The following HDAC8 variants were observed in gnomAD, a reference collection of about 807,000 sequenced individuals.
HDAC8 encodes the protein histone deacetylase-like 1.
In HDAC8, 1 loss-of-function variant was observed where a neutral mutation model predicts 32.2. That is an observed-to-expected ratio of 0.03 (90% CI 0.01 to 0.15). The LOEUF is 0.15. Among genes scored for constraint, HDAC8 ranks in the 10% least tolerant of loss-of-function variants. The pLI is 1.00. For missense variants in HDAC8, 117 were observed against 300.0 expected (o/e 0.39, Z 4.51); for synonymous variants, 108 against 113.9 (o/e 0.95, Z 0.33).
intron 9 of HDAC8, among the ~76,000 whole-genome samples, chrX:72,436,793 T>G (rs1422856163): frequency 9.0e-6 from 1 of 110,965 alleles, no homozygotes; most frequent in Non-Finnish European, 1.9e-5. Flanking sequence ...ACATTTAAGA[T>G]GTACTATAAA....
intron 7 of HDAC8, among the ~76,000 whole-genome samples, chrX:72,469,682 CTTCAA>C (rs782739870): frequency 3.6e-5 from 4 of 111,863 alleles, no homozygotes; most frequent in Non-Finnish European, 7.5e-5. Context: ...ATGCTTATAA[CTTCAA>C]TTCAACAAAT....
chrX:72,517,266 ATTAGG>A (rs1411587936), intron 4 of HDAC8, among the ~76,000 whole-genome samples: 1 of 111,462 alleles, frequency 9.0e-6, no homozygotes. Context: ...CTATATTTGA[ATTAGG>A]TTATTTGTCT....
At chrX:72,463,997 T>C (rs2047938525) in intron 8 of HDAC8, among the ~76,000 whole-genome samples, 1 of 111,906 alleles carries the variant, frequency 8.9e-6, no homozygotes, top group African/African-American at 3.2e-5. Flanking sequence ...GGCTTTCTTT[T>C]GGCTAAGTAA....
At chrX:72,560,933 T>G (rs1382781369) in intron 4 of HDAC8, among the ~76,000 whole-genome samples, 2 of 110,650 alleles carry the variant, frequency 1.8e-5, no homozygotes, top group Non-Finnish European at 3.8e-5. Flanking sequence ...AAAATATGAT[T>G]AAAATATGAT....
At chrX:72,480,355 T>C in intron 7 of HDAC8, 1 of 329,101 alleles carries the variant, frequency 3.0e-6, no homozygotes, top group Non-Finnish European at 5.9e-6. Flanking sequence ...TAGATTGTAA[T>C]GAAATGGGGA....
intron 9 of HDAC8, among the ~76,000 whole-genome samples, chrX:72,397,581 A>G (rs2045797066): frequency 9.0e-6 from 1 of 111,677 alleles, no homozygotes; most frequent in South Asian, 3.7e-4. Flanking sequence ...TGCTCCCTGC[A>G]CACTTCCTCC....
intron 9 of HDAC8, among the ~76,000 whole-genome samples, chrX:72,374,615 T>C (rs2044994462): frequency 9.1e-6 from 1 of 109,430 alleles, no homozygotes; most frequent in Admixed American, 9.7e-5. Context: ...GAGGTTGCAG[T>C]GAGCTGAGAT....
chrX:72,408,652 C>T (rs914475920), intron 9 of HDAC8, among the ~76,000 whole-genome samples: 14 of 111,785 alleles, frequency 1.3e-4, no homozygotes, highest in Admixed American at 3.8e-4. Flanking sequence ...GTGATCTACC[C>T]GCCTTGGCCT....
chrX:72,499,878 G>A (rs1008561552), intron 4 of HDAC8, among the ~76,000 whole-genome samples: 11 of 111,135 alleles, frequency 9.9e-5, no homozygotes, highest in Admixed American at 3.8e-4. Context: ...AAGATAGGCC[G>A]CTAGCTAGAC....
intron 7 of HDAC8, chrX:72,480,409 C>G (rs782087923): frequency 1.4e-4 from 47 of 329,241 alleles, no homozygotes; most frequent in South Asian, 9.9e-4. Context: ...CAGGAAACAA[C>G]AGATGCTGGT....
chrX:72,375,007 C>T (rs1341333198), intron 9 of HDAC8, among the ~76,000 whole-genome samples: 4 of 110,296 alleles, frequency 3.6e-5, no homozygotes, highest in Middle Eastern at 4.6e-3. Flanking sequence ...TTTGTAGAGA[C>T]GGGGGTCCCA....
At chrX:72,475,108 T>C (rs1555999817) in intron 7 of HDAC8, among the ~76,000 whole-genome samples, 3 of 111,209 alleles carry the variant, frequency 2.7e-5, no homozygotes, top group Non-Finnish European at 5.7e-5. Context: ...CCTGACTTTC[T>C]AGATTGCGCA....
chrX:72,506,953 T>C (rs1392223969), intron 4 of HDAC8, among the ~76,000 whole-genome samples: 3 of 110,957 alleles, frequency 2.7e-5, no homozygotes, highest in African/African-American at 9.9e-5. Flanking sequence ...GCTCAAGTGA[T>C]CCTCCCACCT....
chrX:72,432,089 T>A (rs2046835361), intron 9 of HDAC8, among the ~76,000 whole-genome samples: 1 of 110,546 alleles, frequency 9.0e-6, no homozygotes, highest in Admixed American at 9.6e-5. Flanking sequence ...TCCTTCCCCA[T>A]CCTCTTGATT....
At chrX:72,473,131 A>C (rs1285203741) in intron 7 of HDAC8, among the ~76,000 whole-genome samples, 1 of 112,476 alleles carries the variant, frequency 8.9e-6, no homozygotes, top group African/African-American at 3.2e-5. Flanking sequence ...GAGAACACTT[A>C]ATATTCTTAG....
intron 9 of HDAC8, among the ~76,000 whole-genome samples, chrX:72,376,712 C>G (rs1162208958): frequency 1.8e-5 from 2 of 111,606 alleles, no homozygotes; most frequent in Non-Finnish European, 3.8e-5. Flanking sequence ...AGCCACCATG[C>G]CCCACCTAAT....
intron 9 of HDAC8, among the ~76,000 whole-genome samples, chrX:72,382,758 T>G (rs1457166868): frequency 3.6e-5 from 4 of 111,467 alleles, no homozygotes; most frequent in African/African-American, 1.3e-4. Context: ...TGATTGCTAG[T>G]GAGCATGGGA....
intron 4 of HDAC8, among the ~76,000 whole-genome samples, chrX:72,504,181 C>T (rs1215532379): frequency 1.8e-5 from 2 of 111,988 alleles, no homozygotes; most frequent in Admixed American, 1.9e-4. Context: ...GCAAAACTTA[C>T]ATAACATAAA....
At chrX:72,488,106 T>C (rs1569337655) in intron 7 of HDAC8, among the ~76,000 whole-genome samples, 2 of 111,595 alleles carry the variant, frequency 1.8e-5, no homozygotes, top group South Asian at 3.8e-4. Context: ...TTTTTAATAG[T>C]TCTGCTTTGT....
Sources: allele counts gnomAD v4.1 joint callset (sites outside exome capture counted in the v4.1 genomes callset), GRCh38; gene constraint gnomAD v4.1.1; transcripts MANE v1.5; gene names NCBI Gene and HGNC (gene_info 2026-07-23, HGNC 2026-07-21).